CA10: variants seen among roughly 807,000 people sequenced by gnomAD.
The protein encoded by CA10 is carbonic anhydrase 10 (inactive), also known as carbonic anhydrase-related protein 10.
Under a neutral mutation model 44.2 loss-of-function variants are expected in CA10, and 14 were observed. The observed-to-expected ratio is 0.32, with a 90% CI of 0.21 to 0.50. The LOEUF (loss-of-function observed/expected upper bound fraction) is 0.50, where lower values mean the gene tolerates loss of function less well. Among genes scored for constraint, CA10 ranks in the 20% least tolerant of loss-of-function variants. The probability of loss-of-function intolerance (pLI) is 0.99; values close to 1 mark genes in which losing one functional copy is unlikely to be tolerated. For missense variants in CA10, 350 were observed against 409.7 expected, an observed-to-expected ratio of 0.85 and a Z score of 1.26; for synonymous variants, 159 against 141.6, an observed-to-expected ratio of 1.12 and a Z score of -0.87.
intron 3 of CA10, among the ~76,000 whole-genome samples, chr17:51,927,337 T>G (rs1021224256): frequency 6.6e-5 from 10 of 152,092 alleles, no homozygotes; most frequent in Admixed American, 6.6e-4. Flanking sequence ...CGGAACTGAG[T>G]TTTGGTTAAA....
Position 51,842,463 on chromosome 17 carries a change from T to C in CA10, c.279+88527A>G, listed in dbSNP as rs546929631. 7.9e-5 allele frequency among the ~76,000 whole-genome samples: 12 copies of C among 152,112 alleles called. No homozygotes were observed. The East Asian group carries it at 2.3e-3, about 29-fold the overall frequency. ...GTTTATCCATTAAACACTACCGAGA[T>C]TGAGTTGAGCACTGCACCATGTCAG... On this transcript the variant is annotated intron_variant, in intron 3 of 8. Coordinates refer to ENST00000451037, the MANE Select transcript of CA10 (RefSeq NM_020178.5).
At chr17:51,726,571 C>A (rs972571985) in intron 4 of CA10, among the ~76,000 whole-genome samples, 1 of 152,024 alleles carries the variant, frequency 6.6e-6, no homozygotes, top group Non-Finnish European at 1.5e-5. Flanking sequence ...TTTAAATTTG[C>A]CAGTTGAAAA....
intron 4 of CA10, among the ~76,000 whole-genome samples, chr17:51,709,338 T>C (rs1199888225): frequency 1.3e-5 from 2 of 152,074 alleles, no homozygotes; most frequent in Admixed American, 1.3e-4. Context: ...GATAATAAAA[T>C]CAGTGAGTGA....
At chr17:52,045,010 A>C (rs541250026) in intron 2 of CA10, among the ~76,000 whole-genome samples, 243 of 152,002 alleles carry the variant, frequency 1.6e-3, no homozygotes, top group African/African-American at 5.7e-3. Context: ...AACCACAATA[A>C]GATGCATCAT....
chr17:51,839,956 C>G (rs962494398), intron 3 of CA10, among the ~76,000 whole-genome samples: 3 of 152,146 alleles, frequency 2.0e-5, no homozygotes, highest in South Asian at 2.1e-4. Context: ...CTTACACTTA[C>G]GCTAGAAAGT....
At chr17:51,934,238 G>T (rs1982776756) in intron 2 of CA10, among the ~76,000 whole-genome samples, 1 of 152,182 alleles carries the variant, frequency 6.6e-6, no homozygotes, top group South Asian at 2.1e-4. Flanking sequence ...TCATTACATG[G>T]ATTTAAGGCC....
intron 1 of CA10, among the ~76,000 whole-genome samples, chr17:52,133,481 G>A (rs1989286590): frequency 6.6e-6 from 1 of 152,220 alleles, no homozygotes; most frequent in East Asian, 1.9e-4. Context: ...TGGAAGAAGA[G>A]GCTTCAGGAT....
At chr17:52,022,581 A>G (rs1289521209) in intron 2 of CA10, among the ~76,000 whole-genome samples, 1 of 152,146 alleles carries the variant, frequency 6.6e-6, no homozygotes, top group Non-Finnish European at 1.5e-5. Context: ...AACCACTCCT[A>G]TTCTACTGAG....
intron 3 of CA10, among the ~76,000 whole-genome samples, chr17:51,789,148 G>A (rs530287867): frequency 2.0e-4 from 31 of 152,158 alleles, no homozygotes; most frequent in African/African-American, 7.2e-4. Flanking sequence ...CTGAGTAGCT[G>A]GGAACTACAA....
At chr17:52,114,439 C>A (rs753163593) in intron 1 of CA10, among the ~76,000 whole-genome samples, 1 of 152,106 alleles carries the variant, frequency 6.6e-6, no homozygotes, top group Non-Finnish European at 1.5e-5. Flanking sequence ...CTCAGTTTGC[C>A]CAGTTGTAAA....
chr17:51,747,526 A>G, intron 4 of CA10, 107 bp downstream of exon 4: 1 of 893,728 alleles, frequency 1.1e-6, no homozygotes, highest in Non-Finnish European at 1.7e-6. Context: ...TTCTCATTTC[A>G]TAGATTAGAG....
chr17:51,840,513 ACACG>A (rs142862134), intron 3 of CA10, among the ~76,000 whole-genome samples: 5 of 144,730 alleles, frequency 3.5e-5, no homozygotes, highest in Admixed American at 6.9e-5. Context: ...ACACACACAC[ACACG>A]TACTATAGTT....
At chr17:51,902,542 G>A (rs568528849) in intron 3 of CA10, among the ~76,000 whole-genome samples, 1 of 152,254 alleles carries the variant, frequency 6.6e-6, no homozygotes, top group East Asian at 1.9e-4. Flanking sequence ...CAATGAGCTA[G>A]TAAAAACCTG....
At chr17:51,816,382 T>C (rs910454333) in intron 3 of CA10, among the ~76,000 whole-genome samples, 6 of 152,156 alleles carry the variant, frequency 3.9e-5, no homozygotes, top group African/African-American at 7.2e-5. Context: ...GATATGGGAG[T>C]CCAGATATTT....
At chr17:52,053,991 C>G (rs1057212208) in intron 2 of CA10, among the ~76,000 whole-genome samples, 4 of 152,060 alleles carry the variant, frequency 2.6e-5, no homozygotes, top group African/African-American at 7.2e-5. Context: ...ATTGCATTAA[C>G]TGCACAAATT....
At chr17:52,115,890 G>A (rs1158904012) in intron 1 of CA10, among the ~76,000 whole-genome samples, 2 of 152,202 alleles carry the variant, frequency 1.3e-5, no homozygotes, top group African/African-American at 2.4e-5. Flanking sequence ...TCAAGAGATC[G>A]AGACCATCCT....
chr17:51,856,361 AAACAACAACAAC>A (rs3033577), intron 3 of CA10, among the ~76,000 whole-genome samples: 7 of 150,474 alleles, frequency 4.7e-5, no homozygotes, highest in East Asian at 2.0e-4. Context: ...CATTTCAGTA[AAACAACAACAAC>A]AACAACAACA....
chr17:52,108,132 T>C (rs1347501437), intron 1 of CA10, among the ~76,000 whole-genome samples: 1 of 148,782 alleles, frequency 6.7e-6, no homozygotes, highest in Non-Finnish European at 1.5e-5. Flanking sequence ...TTGTATTTGC[T>C]TTTTAAAAAT....
chr17:52,133,368 T>C (rs935119817), intron 1 of CA10, among the ~76,000 whole-genome samples: 1 of 152,154 alleles, frequency 6.6e-6, no homozygotes, highest in Admixed American at 6.5e-5. Context: ...GTCTATTTTT[T>C]AAAGTGGTTA....
Sources: gnomAD v4.1 joint callset for allele counts (sites outside exome capture counted in the v4.1 genomes callset) on GRCh38, gnomAD v4.1.1 for gene constraint, MANE v1.5 for transcripts, NCBI Gene and HGNC (gene_info 2026-07-23, HGNC 2026-07-21) for gene names.